KIAA0319: variants seen among roughly 807,000 people sequenced by gnomAD.
KIAA0319 encodes the protein KIAA0319.
In KIAA0319, 83 loss-of-function variants were observed where a neutral mutation model predicts 108.4. That is an observed-to-expected ratio of 0.77 (90% confidence interval 0.64 to 0.92). The LOEUF is 0.92. KIAA0319 is among the 40% of genes least tolerant of loss of function. The pLI is 0.00. For missense variants in KIAA0319, 1,195 were observed against 1,322.4 expected (o/e 0.90, Z 1.49); for synonymous variants, 484 against 510.4 (o/e 0.95, Z 0.70).
intron 2 of KIAA0319, chr6:24,598,473 G>C: frequency 2.0e-6 from 1 of 509,994 alleles, no homozygotes; most frequent in Admixed American, 2.2e-5. Context: ...TCAACCTATG[G>C]CAGCAGCTGG....
chr6:24,607,324 C>A (rs909960161), intron 1 of KIAA0319, among the ~76,000 whole-genome samples: 2 of 148,832 alleles, frequency 1.3e-5, no homozygotes, highest in Non-Finnish European at 3.0e-5. Flanking sequence ...CCATTGCACT[C>A]CAGCCTGGGC....
At chr6:24,589,039 A>C (rs1768016074) in intron 3 of KIAA0319, among the ~76,000 whole-genome samples, 1 of 152,172 alleles carries the variant, frequency 6.6e-6, no homozygotes, top group East Asian at 1.9e-4. Context: ...AAGAATGAGA[A>C]AGTAATTATA....
chr6:24,598,888 TA>T, intron 2 of KIAA0319: 1 of 335,284 alleles, frequency 3.0e-6, no homozygotes, highest in South Asian at 3.8e-5. Context: ...AAAAAAAAAA[TA>T]AAAAGTAAAA....
chr6:24,628,621 C>T (rs1212036243), intron 1 of KIAA0319, among the ~76,000 whole-genome samples: 1 of 152,010 alleles, frequency 6.6e-6, no homozygotes, highest in African/African-American at 2.4e-5. Context: ...CACCGGAAAA[C>T]AACAGAAATG....
At chr6:24,583,576 T>G in intron 5 of KIAA0319, 28 bp downstream of exon 5, 1 of 1,476,070 alleles carries the variant, frequency 6.8e-7, no homozygotes, top group Non-Finnish European at 9.4e-7. Flanking sequence ...CAGTTCCTAG[T>G]GGTCAGGGAG....
intron 1 of KIAA0319, among the ~76,000 whole-genome samples, chr6:24,629,298 G>A (rs546457609): frequency 2.0e-5 from 3 of 151,954 alleles, no homozygotes; most frequent in Non-Finnish European, 4.4e-5. Flanking sequence ...GGAGGATCAC[G>A]AGGTCAGGAG....
At chr6:24,563,588 T>C in intron 15 of KIAA0319, 70 bp from the exon 16 acceptor site, 1 of 1,430,928 alleles carries the variant, frequency 7.0e-7, no homozygotes, top group Non-Finnish European at 9.3e-7. Context: ...AGGAGCGAGG[T>C]TTCTATAGGA....
rs1765515451 is a variant in KIAA0319, at chr6:24,576,381, T to C, written c.1721A>G (p.His574Arg). 1 of 1,613,842 alleles carries C rather than the reference T, an allele frequency of 6.2e-7. No homozygotes were observed. Among genetic ancestry groups the C allele is most frequent in the Non-Finnish European group, 8.5e-7 (1 of 1,179,888 alleles). The change falls in exon 10 of 21, where the codon CAT becomes CGT. Residue 574 changes from histidine to arginine, a missense_variant. Coordinates refer to ENST00000378214, the MANE Select transcript of KIAA0319 (RefSeq NM_014809.4). ...WSLGPGSEGK[H>R]VVMQGVQTPY... The stretch of plus-strand genomic sequence containing the variant: ...TGGAGAACTTGCCTGCATGACCACA[T>C]GTTTGCCCTCACTCCCAGGACCCAG...
At chr6:24,551,263 T>G (rs1761452472) in intron 20 of KIAA0319, among the ~76,000 whole-genome samples, 171 bp downstream of exon 20, 1 of 152,052 alleles carries the variant, frequency 6.6e-6, no homozygotes, top group Non-Finnish European at 1.5e-5. Context: ...CATGAGCCAC[T>G]GGGCCCGGCC....
intron 3 of KIAA0319, among the ~76,000 whole-genome samples, chr6:24,594,629 A>AC (rs1769155523): frequency 6.2e-5 from 2 of 32,008 alleles, no homozygotes; most frequent in East Asian, 3.6e-3. Context: ...TCTGTCTCAC[A>AC]AAAAAAAAAC....
intron 2 of KIAA0319, chr6:24,598,397 A>G (rs988666653): frequency 4.9e-6 from 3 of 610,366 alleles, no homozygotes; most frequent in South Asian, 1.4e-5. Flanking sequence ...CTGGAGACCA[A>G]CTGGAGCCTC....
At position 24,570,045 on chromosome 6, in the gene KIAA0319, C is replaced by T; in HGVS notation, c.1859-10G>A. On this transcript the variant is annotated splice_polypyrimidine_tract_variant and intron_variant, in intron 11 of 20. Transcript: ENST00000378214. ...GGAGGTCTATTGTTTTCTGGAATTACAGAAACAGTGTGAAAAAGTATTATC... is the reference window on the plus strand; with the variant it reads ...GGAGGTCTATTGTTTTCTGGAATTATAGAAACAGTGTGAAAAAGTATTATC... 6.2e-7 allele frequency: 1 copy of T among 1,612,800 alleles called. No individual in the cohort carries two copies. Among genetic ancestry groups the T allele is most frequent in the Non-Finnish European group, 8.5e-7 (1 of 1,179,326 alleles).
At position 24,581,002 on chromosome 6, in the gene KIAA0319, T is replaced by C. The variant is rs370777255; in HGVS notation, c.1203A>G (p.Gly401=). ...AAACAGTGACTTTGAAGACATAAAG[T>C]CCGACGGACAACTGTAACATAAAGA... The part of the protein sequence containing the change: ...QTLNLSQLSV[G]LYVFKVTVSS... Residue 401 remains glycine, a synonymous_variant, in exon 7 of 21, where the codon GGA becomes GGG. Coordinates refer to ENST00000378214, the MANE Select transcript of KIAA0319 (RefSeq NM_014809.4). The C allele has an allele frequency of 5.6e-6, 9 of 1,608,268 alleles. 1 individual carries two copies. Among genetic ancestry groups the C allele is most frequent in the Non-Finnish European group, 7.7e-6 (9 of 1,175,112 alleles).
chr6:24,562,614 C>A (rs931481613), intron 16 of KIAA0319, among the ~76,000 whole-genome samples: 2 of 152,064 alleles, frequency 1.3e-5, no homozygotes, highest in Non-Finnish European at 2.9e-5. Context: ...CCTAAGTGGG[C>A]GAATCACTTG....
chr6:24,552,160 T>C (rs1275181457), intron 19 of KIAA0319, among the ~76,000 whole-genome samples: 5 of 152,186 alleles, frequency 3.3e-5, no homozygotes, highest in African/African-American at 1.2e-4. Flanking sequence ...AGCAATATTC[T>C]GGGAGCATGA....
In KIAA0319 at chr6:24,595,567, A is replaced by AAC. The variant is rs1554164911; in HGVS notation, c.801+305_801+306insGT. Among the ~76,000 whole-genome samples the AAC allele has an allele frequency of 2.5e-3, 371 of 151,200 alleles. 2 individuals are homozygous for AAC. The highest frequency in any genetic ancestry group is 8.4e-3 in the African/African-American group (342 of 40,934). On this transcript the variant is annotated intron_variant, in intron 3 of 20. Coordinates refer to ENST00000378214, the MANE Select transcript of KIAA0319 (RefSeq NM_014809.4). ...ATCTCAAAAAAAAAAAAAAAAAAAAAAAACGCTACAGGCATTTCTAGGGAG... is the reference window on the plus strand; with the variant it reads ...ATCTCAAAAAAAAAAAAAAAAAAAAAACAAACGCTACAGGCATTTCTAGGGAG...
intron 1 of KIAA0319, among the ~76,000 whole-genome samples, chr6:24,613,139 T>C (rs1772608442): frequency 6.6e-6 from 1 of 152,174 alleles, no homozygotes; most frequent in Non-Finnish European, 1.5e-5. Flanking sequence ...AAATTTAACA[T>C]TCCTGCCTTT....
chr6:24,635,443 AT>A (rs964264211), intron 1 of KIAA0319, among the ~76,000 whole-genome samples: 3 of 150,228 alleles, frequency 2.0e-5, no homozygotes, highest in Non-Finnish European at 3.0e-5. Flanking sequence ...TTTTGGCTTA[AT>A]TTTTTTTTTA....
chr6:24,580,540 G>A (rs115901482), intron 7 of KIAA0319, among the ~76,000 whole-genome samples: 3,177 of 152,252 alleles, frequency 0.021, 44 homozygotes, highest in Non-Finnish European at 0.031. Context: ...TGCACTGACC[G>A]ATGGGCATAC....
Sources: gnomAD v4.1 joint callset for allele counts (sites outside exome capture counted in the v4.1 genomes callset) on GRCh38, gnomAD v4.1.1 for gene constraint, MANE v1.5 for transcripts, NCBI Gene and HGNC (gene_info 2026-07-23, HGNC 2026-07-21) for gene names.